Variants in GATAD2A observed in about 807,000 individuals in gnomAD.
The protein encoded by GATAD2A is transcriptional repressor p66-alpha.
A neutral mutation model predicts 68.5 loss-of-function variants in GATAD2A; 12 were observed. The observed-to-expected ratio is 0.18, with a 90% CI of 0.11 to 0.28. The LOEUF is 0.28. Ranked by LOEUF, GATAD2A falls within the 10% of genes least tolerant of loss-of-function variation. GATAD2A has a pLI of 1.00. For missense variants in GATAD2A, 755 were observed against 868.5 expected, an observed-to-expected ratio of 0.87 and a Z score of 1.64; for synonymous variants, 410 against 375.3, an observed-to-expected ratio of 1.09 and a Z score of -1.07.
chr19:19,432,204 A>G (rs1018547667), intron 1 of GATAD2A, among the ~76,000 whole-genome samples: 4 of 152,084 alleles, frequency 2.6e-5, no homozygotes, highest in African/African-American at 4.8e-5. Context: ...TGAGCTCCTG[A>G]TCTCAGGTGA....
chr19:19,388,975 G>A (rs1442677970), intron 1 of GATAD2A, among the ~76,000 whole-genome samples: 1 of 152,210 alleles, frequency 6.6e-6, no homozygotes, highest in East Asian at 1.9e-4. Context: ...GGGAAGGGAG[G>A]CAAGGGACAG....
At chr19:19,475,382 C>G (rs971060258) in intron 2 of GATAD2A, among the ~76,000 whole-genome samples, 1 of 152,198 alleles carries the variant, frequency 6.6e-6, no homozygotes, top group African/African-American at 2.4e-5. Flanking sequence ...AGTCCCACAG[C>G]AAGAAGCCAT....
At chr19:19,487,585 T>C (rs2059526421) in intron 2 of GATAD2A, among the ~76,000 whole-genome samples, 1 of 151,900 alleles carries the variant, frequency 6.6e-6, no homozygotes, top group Admixed American at 6.6e-5. Context: ...GGGTTTCTGC[T>C]CAGACCTGCA....
chr19:19,505,284 C>A, intron 11 of GATAD2A, 60 bp from the exon 12 acceptor site: 2 of 1,565,196 alleles, frequency 1.3e-6, no homozygotes, highest in Non-Finnish European at 1.7e-6. Flanking sequence ...TATGGCTGGG[C>A]TCCTCCCAGG....
chr19:19,432,761 C>T (rs748717901), intron 1 of GATAD2A, among the ~76,000 whole-genome samples: 14 of 152,168 alleles, frequency 9.2e-5, no homozygotes, highest in Non-Finnish European at 1.6e-4. Context: ...GCCAGTATGG[C>T]TGGAACAGAG....
chr19:19,433,778 A>AC (rs1222228255), intron 1 of GATAD2A, among the ~76,000 whole-genome samples: 3 of 151,666 alleles, frequency 2.0e-5, no homozygotes, highest in Non-Finnish European at 4.4e-5. Context: ...ACCTCCCCAT[A>AC]CCCCCCCTTT....
chr19:19,472,870 G>A (rs2058415307), intron 2 of GATAD2A, among the ~76,000 whole-genome samples: 1 of 152,174 alleles, frequency 6.6e-6, no homozygotes, highest in Non-Finnish European at 1.5e-5. Flanking sequence ...GACCAGACCT[G>A]CTGTATGCCA....
In GATAD2A at chr19:19,417,395, A is replaced by AC. The variant is rs999626149; in HGVS notation, c.-7+11383dup. ...GCTGAAAAAGATGGGGCATCTGATT[A>AC]CCCCCCCACCCACTATTCTGAGAAG... On this transcript the variant is annotated intron_variant, in intron 1 of 11. Transcript: ENST00000683918. Among the ~76,000 whole-genome samples, 54 of 151,790 alleles carry AC rather than the reference A, an allele frequency of 3.6e-4. 1 individual carries two copies. Among genetic ancestry groups the AC allele is most frequent in the African/African-American group, 1.0e-3 (43 of 41,336 alleles).
chr19:19,449,328 G>A (rs2056112337), intron 1 of GATAD2A, among the ~76,000 whole-genome samples: 1 of 141,548 alleles, frequency 7.1e-6, no homozygotes, highest in African/African-American at 2.8e-5. Flanking sequence ...TCTCCACTGT[G>A]CAGGCCTAGT....
chr19:19,486,418 A>T (rs2059431855), intron 2 of GATAD2A, among the ~76,000 whole-genome samples: 1 of 152,210 alleles, frequency 6.6e-6, no homozygotes, highest in Non-Finnish European at 1.5e-5. Flanking sequence ...GCATCCTGTC[A>T]GAGCATCCAT....
chr19:19,447,844 T>C (rs1412880768), intron 1 of GATAD2A, among the ~76,000 whole-genome samples: 1 of 152,226 alleles, frequency 6.6e-6, no homozygotes, highest in African/African-American at 2.4e-5. Flanking sequence ...TTCCCTCACT[T>C]TCCACTTGAC....
chr19:19,402,732 ACGGC>A (rs2049870161), upstream of GATAD2A: 1 of 149,360 alleles, frequency 6.7e-6, no homozygotes, highest in Non-Finnish European at 1.5e-5. Context: ...TTAATTAACA[ACGGC>A]TATCACTAAG....
At chr19:19,469,545 T>C (rs887522902) in intron 2 of GATAD2A, among the ~76,000 whole-genome samples, 1 of 152,066 alleles carries the variant, frequency 6.6e-6, no homozygotes, top group Non-Finnish European at 1.5e-5. Flanking sequence ...CAAGAGGACA[T>C]GTAGAAAACA....
chr19:19,454,963 A>G (rs539251852), intron 1 of GATAD2A, among the ~76,000 whole-genome samples: 1 of 152,342 alleles, frequency 6.6e-6, no homozygotes, highest in African/African-American at 2.4e-5. Flanking sequence ...TTTGGTAAAT[A>G]GAGTTTAATT....
At chr19:19,420,498 A>ATT (rs34881322) in intron 1 of GATAD2A, among the ~76,000 whole-genome samples, 27 of 126,300 alleles carry the variant, frequency 2.1e-4, no homozygotes, top group East Asian at 7.1e-4. Context: ...CGCCTGGCCA[A>ATT]TTTTTTTTTT....
chr19:19,420,150 A>G (rs2052185746), intron 1 of GATAD2A, among the ~76,000 whole-genome samples: 1 of 131,638 alleles, frequency 7.6e-6, no homozygotes, highest in African/African-American at 2.9e-5. Context: ...AGCTGGGATT[A>G]TAGGCACGCA....
intron 2 of GATAD2A, among the ~76,000 whole-genome samples, chr19:19,491,155 G>A (rs1005404720): frequency 1.3e-5 from 2 of 152,160 alleles, no homozygotes; most frequent in Non-Finnish European, 2.9e-5. Flanking sequence ...CACTTGTCTC[G>A]GAGCCTGGCC....
intron 1 of GATAD2A, among the ~76,000 whole-genome samples, chr19:19,448,793 AT>A (rs2056045790): frequency 6.6e-6 from 1 of 152,042 alleles, no homozygotes; most frequent in African/African-American, 2.4e-5. Context: ...AAAGACACTT[AT>A]TTGCTACCTG....
chr19:19,390,950 G>A (rs1312934936), intron 1 of GATAD2A, among the ~76,000 whole-genome samples: 2 of 152,122 alleles, frequency 1.3e-5, no homozygotes, highest in Non-Finnish European at 2.9e-5. Context: ...TAGTGCCCAC[G>A]AGGAGATCAG....
Sources: allele counts gnomAD v4.1 joint callset (sites outside exome capture counted in the v4.1 genomes callset), GRCh38; gene constraint gnomAD v4.1.1; transcripts MANE v1.5; gene names NCBI Gene and HGNC (gene_info 2026-07-23, HGNC 2026-07-21).